CNST: variants seen among roughly 807,000 people sequenced by gnomAD.
CNST encodes consortin, connexin sorting protein.
A neutral mutation model predicts 72.4 loss-of-function variants in CNST; 39 were observed. The ratio of observed to expected loss-of-function variants is 0.54; its 90% confidence interval spans 0.42 to 0.70. The LOEUF is 0.70. Ranked by LOEUF, CNST falls within the 30% of genes least tolerant of loss-of-function variation. The pLI, the probability that CNST is intolerant of heterozygous loss-of-function variation, is 0.00. For synonymous variants in CNST, 332 were observed against 320.1 expected (o/e 1.04, Z -0.40); for missense variants, 871 against 868.5 (o/e 1.00, Z -0.04).
At chr1:246,586,873 T>G (rs905240669) in intron 1 of CNST, among the ~76,000 whole-genome samples, 1 of 152,188 alleles carries the variant, frequency 6.6e-6, no homozygotes, top group Non-Finnish European at 1.5e-5. Flanking sequence ...TTACAACATA[T>G]ACACCTGAAA....
intron 1 of CNST, among the ~76,000 whole-genome samples, chr1:246,586,897 A>G (rs1231361844): frequency 1.3e-5 from 2 of 152,206 alleles, no homozygotes; most frequent in Non-Finnish European, 2.9e-5. Flanking sequence ...GCTGGTTTTT[A>G]AAAGTAATTT....
intron 4 of CNST, chr1:246,632,267 G>A (rs1029279479): frequency 1.2e-4 from 35 of 296,562 alleles, no homozygotes; most frequent in Admixed American, 1.2e-3. Flanking sequence ...CAGTTTAGCG[G>A]CATGTTCTTT....
At chr1:246,592,655 A>T (rs1661617653) in intron 2 of CNST, among the ~76,000 whole-genome samples, 2 of 152,174 alleles carry the variant, frequency 1.3e-5, no homozygotes, top group African/African-American at 4.8e-5. Context: ...TTTGATCCCT[A>T]ACCTGTGAGT....
chr1:246,628,850 A>C (rs145833047), intron 3 of CNST, among the ~76,000 whole-genome samples: 1 of 152,278 alleles, frequency 6.6e-6, no homozygotes. Context: ...TGGTAAAAGG[A>C]TAACCAGGAT....
intron 1 of CNST, among the ~76,000 whole-genome samples, chr1:246,576,323 T>C (rs1660427900): frequency 7.8e-6 from 1 of 127,758 alleles, no homozygotes; most frequent in African/African-American, 3.0e-5. Context: ...AACCGTGCAG[T>C]CACAGTGTAT....
intron 2 of CNST, among the ~76,000 whole-genome samples, chr1:246,610,670 G>T (rs987340935): frequency 1.3e-5 from 2 of 152,100 alleles, no homozygotes; most frequent in Non-Finnish European, 2.9e-5. Flanking sequence ...CAGTCTTTCA[G>T]ATTGGCTCTG....
intron 2 of CNST, among the ~76,000 whole-genome samples, chr1:246,619,552 G>T (rs370725845): frequency 3.3e-5 from 5 of 152,254 alleles, no homozygotes; most frequent in African/African-American, 7.2e-5. Context: ...GCAACCTAGC[G>T]TCATACGAGG....
At chr1:246,658,303 C>T (rs1442712390) in intron 9 of CNST, among the ~76,000 whole-genome samples, 1 of 152,110 alleles carries the variant, frequency 6.6e-6, no homozygotes, top group Non-Finnish European at 1.5e-5. Flanking sequence ...GCTTATAAAA[C>T]CTGTTTTCTC....
intron 9 of CNST, 65 bp from the exon 10 acceptor site, chr1:246,660,134 T>A: frequency 1.5e-6 from 2 of 1,379,250 alleles, no homozygotes; most frequent in East Asian, 4.8e-5. Context: ...TGAGCCTTTT[T>A]ATAGCTACAT....
intron 6 of CNST, among the ~76,000 whole-genome samples, chr1:246,636,718 C>T (rs1665279657): frequency 6.6e-6 from 1 of 152,158 alleles, no homozygotes; most frequent in South Asian, 2.1e-4. Flanking sequence ...ACATGTAGCC[C>T]CATTATGACT....
rs557928824 is a variant in CNST, at chr1:246,599,501, C to T, written c.379+7560C>T. On this transcript the variant is annotated intron_variant, in intron 2 of 10. Transcript: ENST00000366513. ...CAGTGGCTTTGAAGTGAGCTCAAGT[C>T]CTCACATTGCATCACTTTGACCAGC... Among the ~76,000 whole-genome samples, 4 of 152,336 alleles carry T rather than the reference C, an allele frequency of 2.6e-5. No individual in the cohort carries two copies. In the South Asian group the frequency reaches 8.3e-4, roughly 32 times the overall value.
chr1:246,572,831 G>A lies in CNST; in HGVS notation c.-52+6168G>A, dbSNP rs113274915. Reference sequence around the variant, plus strand: ...GCCTACTTCAGCCTCTCAAAGTGCTGGGATTACAGGTGTGAGTCACTGCAC... The same window carrying A: ...GCCTACTTCAGCCTCTCAAAGTGCTAGGATTACAGGTGTGAGTCACTGCAC... On this transcript the variant is annotated intron_variant, in intron 1 of 10. Coordinates refer to ENST00000366513, the MANE Select transcript of CNST (RefSeq NM_152609.3). Among the ~76,000 whole-genome samples the A allele has an allele frequency of 5.8e-3, 876 of 152,242 alleles. 10 individuals are homozygous for A. Among genetic ancestry groups the A allele is most frequent in the African/African-American group, 0.019 (810 of 41,544 alleles).
intron 10 of CNST, among the ~76,000 whole-genome samples, chr1:246,664,882 T>C (rs929399676): frequency 6.6e-6 from 1 of 152,226 alleles, no homozygotes; most frequent in African/African-American, 2.4e-5. Context: ...AATTAAAATT[T>C]TTTTTAAATT....
At chr1:246,605,492 G>A (rs1278184929) in intron 2 of CNST, among the ~76,000 whole-genome samples, 6 of 152,240 alleles carry the variant, frequency 3.9e-5, no homozygotes, top group African/African-American at 1.4e-4. Context: ...CTGTTTTAAT[G>A]CGCGCCTGGG....
At chr1:246,623,961 G>A (rs1452619381) in intron 3 of CNST, among the ~76,000 whole-genome samples, 3 of 151,436 alleles carry the variant, frequency 2.0e-5, no homozygotes, top group Non-Finnish European at 4.4e-5. Flanking sequence ...TACTCAGGAC[G>A]CTAAGGTGGG....
intron 2 of CNST, among the ~76,000 whole-genome samples, chr1:246,614,348 G>T (rs1663541156): frequency 6.6e-6 from 1 of 152,034 alleles, no homozygotes. Context: ...GTGGCATCTT[G>T]TCAGCACTAA....
chr1:246,649,352 A>G (rs906982847), intron 9 of CNST, among the ~76,000 whole-genome samples: 2 of 152,074 alleles, frequency 1.3e-5, no homozygotes, highest in Admixed American at 6.5e-5. Context: ...TGTGATATAT[A>G]TTTTTCCACA....
chr1:246,634,097 T>C (rs1407937256), intron 5 of CNST, 87 bp downstream of exon 5: 2 of 875,476 alleles, frequency 2.3e-6, no homozygotes, highest in Non-Finnish European at 3.8e-6. Flanking sequence ...CCTGGTTTTA[T>C]AAATCAGAAA....
chr1:246,586,735 TAA>T (rs1661226322), intron 1 of CNST, among the ~76,000 whole-genome samples: 1 of 152,058 alleles, frequency 6.6e-6, no homozygotes, highest in Non-Finnish European at 1.5e-5. Flanking sequence ...ATGCAGCAAA[TAA>T]AGAGTCTTAT....
Sources: allele counts gnomAD v4.1 joint callset (sites outside exome capture counted in the v4.1 genomes callset), GRCh38; gene constraint gnomAD v4.1.1; transcripts MANE v1.5; gene names NCBI Gene and HGNC (gene_info 2026-07-23, HGNC 2026-07-21).